Variants in RERE observed in about 807,000 individuals in gnomAD.
RERE encodes the protein arginine-glutamic acid dipeptide repeats protein.
Under a neutral mutation model 146.1 loss-of-function variants are expected in RERE, and 40 were observed. The observed-to-expected ratio is 0.27, with a 90% CI of 0.21 to 0.36. The LOEUF (loss-of-function observed/expected upper bound fraction) is 0.36. Among genes scored for constraint, RERE ranks in the 10% least tolerant of loss-of-function variants. RERE has a pLI of 1.00. For missense variants in RERE, 1,933 were observed against 2,138.7 expected, an observed-to-expected ratio of 0.90 and a Z score of 1.90; for synonymous variants, 1,003 against 866.0, an observed-to-expected ratio of 1.16 and a Z score of -2.78.
At chr1:8,771,489 A>C (rs1312392156) in intron 1 of RERE, among the ~76,000 whole-genome samples, 7 of 150,348 alleles carry the variant, frequency 4.7e-5, no homozygotes, top group Non-Finnish European at 7.4e-5. Context: ...GCGCCACTAC[A>C]CTCCAGCCTG....
intron 7 of RERE, among the ~76,000 whole-genome samples, chr1:8,516,297 C>T (rs572935951): frequency 2.1e-5 from 3 of 143,054 alleles, no homozygotes; most frequent in African/African-American, 7.8e-5. Context: ...AATAATAATA[C>T]TAGCTATCAA....
intron 11 of RERE, among the ~76,000 whole-genome samples, chr1:8,440,794 G>A (rs1644237171): frequency 2.6e-5 from 4 of 151,556 alleles, no homozygotes; most frequent in Admixed American, 2.0e-4. Flanking sequence ...TACTTGGGGA[G>A]GCTGAGGCAG....
At chr1:8,610,959 C>A (rs999112104) in intron 4 of RERE, among the ~76,000 whole-genome samples, 3 of 151,160 alleles carry the variant, frequency 2.0e-5, no homozygotes, top group Non-Finnish European at 4.4e-5. Context: ...CTTTGGGAGG[C>A]CTAGGTGGGG....
chr1:8,678,137 C>G (rs1638883244), intron 1 of RERE, among the ~76,000 whole-genome samples: 1 of 152,184 alleles, frequency 6.6e-6, no homozygotes, highest in Non-Finnish European at 1.5e-5. Context: ...TCCACGAGAA[C>G]AGGAACTGTG....
At chr1:8,482,866 T>C (rs540674485) in intron 10 of RERE, among the ~76,000 whole-genome samples, 2 of 152,128 alleles carry the variant, frequency 1.3e-5, no homozygotes, top group South Asian at 4.1e-4. Context: ...ACTAAAAAAT[T>C]TTCAAAAAAT....
rs1333628914 is a variant in RERE, at chr1:8,612,391, AAAG to A, written c.522+2167_522+2169del. ...GACTTTGGCAGCACAAAGCATCATT[AAAG>A]AACAATCAATACAGTTAGCTTTATG... On this transcript the variant is annotated intron_variant, in intron 4 of 22. Coordinates refer to ENST00000400908, the MANE Select transcript of RERE (RefSeq NM_001042681.2). Among the ~76,000 whole-genome samples the A allele has an allele frequency of 3.9e-5, 6 of 152,334 alleles. No homozygotes were observed. The East Asian group carries it at 1.2e-3, about 29-fold the overall frequency.
intron 2 of RERE, among the ~76,000 whole-genome samples, chr1:8,653,563 T>C (rs538390257): frequency 1.6e-3 from 236 of 151,976 alleles, no homozygotes; most frequent in Admixed American, 2.9e-3. Context: ...GGCGCAGTGG[T>C]GGGCGCCTGT....
intron 11 of RERE, among the ~76,000 whole-genome samples, chr1:8,445,658 G>A (rs2124031713): frequency 6.6e-6 from 1 of 152,032 alleles, no homozygotes; most frequent in East Asian, 1.9e-4. Context: ...GTCTCCATCA[G>A]CAACCACCTG....
intron 10 of RERE, among the ~76,000 whole-genome samples, chr1:8,482,219 TAA>T (rs150409908): frequency 0.67 from 102,307 of 151,794 alleles, 35,423 homozygotes; most frequent in East Asian, 0.83. Context: ...AATTGGATTG[TAA>T]AAGTGGCCTT....
chr1:8,447,847 G>A (rs948046996), intron 11 of RERE, among the ~76,000 whole-genome samples: 9 of 152,180 alleles, frequency 5.9e-5, no homozygotes, highest in Non-Finnish European at 8.8e-5. Context: ...CTGCTTCTCC[G>A]AATACATCCT....
At chr1:8,547,464 T>TA (rs1645878361) in intron 6 of RERE, among the ~76,000 whole-genome samples, 1 of 152,000 alleles carries the variant, frequency 6.6e-6, no homozygotes, top group Admixed American at 6.5e-5. Flanking sequence ...CAAATAAAAT[T>TA]AAATGAAAAC....
intron 12 of RERE, among the ~76,000 whole-genome samples, chr1:8,380,051 G>A (rs1027375329): frequency 7.2e-5 from 11 of 152,286 alleles, no homozygotes; most frequent in African/African-American, 1.7e-4. Context: ...CCCACCTCAC[G>A]GCTGACATGG....
intron 10 of RERE, among the ~76,000 whole-genome samples, chr1:8,479,256 G>A (rs987027713): frequency 4.6e-5 from 7 of 151,630 alleles, no homozygotes; most frequent in Non-Finnish European, 8.8e-5. Context: ...AAATAAGCAA[G>A]TCACAACAGA....
At chr1:8,422,689 G>T (rs1553164733) in intron 12 of RERE, 38 bp downstream of exon 12, 1 of 1,464,196 alleles carries the variant, frequency 6.8e-7, no homozygotes, top group Non-Finnish European at 9.6e-7. Context: ...GGAGCAAAGA[G>T]GAAAAAATCA....
At chr1:8,475,140 G>C (rs543640384) in intron 10 of RERE, among the ~76,000 whole-genome samples, 2 of 152,284 alleles carry the variant, frequency 1.3e-5, no homozygotes, top group African/African-American at 4.8e-5. Context: ...TTGGGAGGCT[G>C]AAGTGGGCAG....
At chr1:8,669,041 TGTGTGTGTGTGTG>T (rs1638649591) in intron 1 of RERE, among the ~76,000 whole-genome samples, 1 of 134,934 alleles carries the variant, frequency 7.4e-6, no homozygotes, top group African/African-American at 3.2e-5. Context: ...TGTGTGTGTG[TGTGTGTGTGTGTG>T]TGTGTGTGTG....
At chr1:8,804,220 T>C (rs990625046) in intron 1 of RERE, among the ~76,000 whole-genome samples, 19 of 152,204 alleles carry the variant, frequency 1.2e-4, no homozygotes, top group Non-Finnish European at 4.4e-5. Context: ...TGGCAGATTA[T>C]GCTACCAAGA....
At chr1:8,417,560 G>C (rs374543083) in intron 12 of RERE, among the ~76,000 whole-genome samples, 1 of 152,268 alleles carries the variant, frequency 6.6e-6, no homozygotes, top group South Asian at 2.1e-4. Flanking sequence ...TAGAAGGCAG[G>C]CTTCCCTTCC....
intron 11 of RERE, chr1:8,465,387 T>C: frequency 4.0e-6 from 1 of 252,220 alleles, no homozygotes; most frequent in Non-Finnish European, 8.0e-6. Flanking sequence ...TTACAAGCCC[T>C]ATAAAAACAA....
Sources: allele counts gnomAD v4.1 joint callset (sites outside exome capture counted in the v4.1 genomes callset), GRCh38; gene constraint gnomAD v4.1.1; transcripts MANE v1.5; gene names NCBI Gene and HGNC (gene_info 2026-07-23, HGNC 2026-07-21).